The following RNF214 variants were observed in gnomAD, a reference collection of about 807,000 sequenced individuals.
The protein encoded by RNF214 is ring finger protein 214.
A neutral mutation model predicts 75.9 loss-of-function variants in RNF214; 25 were observed. The observed-to-expected ratio is 0.33, with a 90% CI of 0.24 to 0.46. The LOEUF (loss-of-function observed/expected upper bound fraction) is 0.46. Among genes scored for constraint, RNF214 ranks in the 20% least tolerant of loss-of-function variants. The pLI, the probability that RNF214 is intolerant of heterozygous loss-of-function variation, is 1.00. For missense variants in RNF214, 725 were observed against 857.5 expected, an observed-to-expected ratio of 0.85 and a Z score of 1.93; for synonymous variants, 314 against 308.8, an observed-to-expected ratio of 1.02 and a Z score of -0.18.
intron 6 of RNF214, among the ~76,000 whole-genome samples, chr11:117,279,239 C>A (rs2034077043): frequency 1.3e-5 from 2 of 151,606 alleles, no homozygotes; most frequent in South Asian, 4.2e-4. Context: ...GAAGAATGTT[C>A]TGCCTTCAAT....
intron 8 of RNF214, among the ~76,000 whole-genome samples, chr11:117,281,003 T>TTTTA (rs397781094): frequency 3.3e-5 from 5 of 149,604 alleles, no homozygotes; most frequent in Non-Finnish European, 7.4e-5. Flanking sequence ...TTTTTTTTTT[T>TTTTA]AATGACAGGG....
At position 117,280,265 on chromosome 11, in the gene RNF214, T is replaced by A; in HGVS notation, c.1145+6T>A. The stretch of plus-strand genomic sequence containing the variant: ...TTGCACCTTACTTACCTCAAGTAAG[T>A]ACCTTTCCGTTCTAGAGCTTTAATT... On this transcript the variant is annotated splice_donor_region_variant and intron_variant, in intron 8 of 14. Coordinates refer to ENST00000300650, the MANE Select transcript of RNF214 (RefSeq NM_207343.4). 6.4e-7 allele frequency: 1 copy of A among 1,570,178 alleles called. No homozygotes were observed. Among genetic ancestry groups the A allele is most frequent in the Non-Finnish European group, 8.8e-7 (1 of 1,141,008 alleles).
At chr11:117,261,721 C>T (rs1294228559) in intron 6 of RNF214, among the ~76,000 whole-genome samples, 4 of 152,156 alleles carry the variant, frequency 2.6e-5, no homozygotes, top group African/African-American at 9.7e-5. Context: ...TCTCGGCTCA[C>T]TGCAGCCTCC....
At chr11:117,281,478 C>CT (rs57876538) in intron 9 of RNF214, 74 bp downstream of exon 9, 146,006 of 1,402,288 alleles carry the variant, frequency 0.1, 9,031 homozygotes, top group Middle Eastern at 0.2. Flanking sequence ...GGGAGGTAGC[C>CT]TTTTGCATTG....
intron 6 of RNF214, among the ~76,000 whole-genome samples, chr11:117,251,459 C>A (rs1591824612): frequency 7.8e-6 from 1 of 127,588 alleles, no homozygotes. Flanking sequence ...CCGGACGGGG[C>A]GGCTGGCCGG....
chr11:117,283,402 C>T (rs2034169971), intron 14 of RNF214, among the ~76,000 whole-genome samples, 192 bp downstream of exon 14: 1 of 151,860 alleles, frequency 6.6e-6, no homozygotes, highest in Non-Finnish European at 1.5e-5. Context: ...GCTCTGTTGC[C>T]CAGGCTGGAG....
intron 2 of RNF214, 43 bp from the exon 3 acceptor site, chr11:117,238,558 G>A (rs747987632): frequency 2.2e-5 from 34 of 1,514,696 alleles, no homozygotes; most frequent in Admixed American, 1.2e-4. Flanking sequence ...TAGTTAGGTT[G>A]AAAGTATTAT....
intron 4 of RNF214, among the ~76,000 whole-genome samples, chr11:117,241,387 C>T (rs2033076130): frequency 6.6e-6 from 1 of 151,768 alleles, no homozygotes; most frequent in Non-Finnish European, 1.5e-5. Context: ...TGAGCCCATC[C>T]TGGCCAATAT....
intron 4 of RNF214, among the ~76,000 whole-genome samples, chr11:117,240,791 T>C (rs905395897): frequency 6.6e-6 from 1 of 151,922 alleles, no homozygotes; most frequent in African/African-American, 2.4e-5. Flanking sequence ...CCTGTAATCC[T>C]AGCACTTTCA....
At chr11:117,271,302 C>G (rs1218083463) in intron 6 of RNF214, among the ~76,000 whole-genome samples, 2 of 152,232 alleles carry the variant, frequency 1.3e-5, no homozygotes, top group Non-Finnish European at 2.9e-5. Flanking sequence ...CCTCAAAATT[C>G]TAGCCACCTT....
intron 4 of RNF214, among the ~76,000 whole-genome samples, chr11:117,241,759 T>C (rs2033086089): frequency 6.6e-6 from 1 of 152,180 alleles, no homozygotes; most frequent in Admixed American, 6.5e-5. Context: ...GTTTTTAGTA[T>C]TCTTTTTGAT....
At chr11:117,257,906 G>A (rs553771531) in intron 6 of RNF214, among the ~76,000 whole-genome samples, 11 of 152,120 alleles carry the variant, frequency 7.2e-5, no homozygotes, top group East Asian at 1.9e-4. Flanking sequence ...TTAAATTACT[G>A]GATTTACTTC....
At chr11:117,273,315 C>T (rs2033948544) in intron 6 of RNF214, among the ~76,000 whole-genome samples, 1 of 151,960 alleles carries the variant, frequency 6.6e-6, no homozygotes, top group African/African-American at 2.4e-5. Flanking sequence ...ATTGTGGGAT[C>T]TGAAACCACA....
chr11:117,285,031 T>C, intron 14 of RNF214, 55 bp from the exon 15 acceptor site: 1 of 1,310,860 alleles, frequency 7.6e-7, no homozygotes, highest in Non-Finnish European at 1.1e-6. Flanking sequence ...CATTCTCTCC[T>C]TCCTTCCCTT....
chr11:117,256,668 G>A (rs1386465021), intron 6 of RNF214, among the ~76,000 whole-genome samples: 1 of 152,180 alleles, frequency 6.6e-6, no homozygotes, highest in Non-Finnish European at 1.5e-5. Flanking sequence ...CAAAGCAGAA[G>A]CTGCCAGGCT....
chr11:117,260,565 T>A (rs2033633678), intron 6 of RNF214, among the ~76,000 whole-genome samples: 1 of 150,268 alleles, frequency 6.7e-6, no homozygotes, highest in African/African-American at 2.4e-5. Flanking sequence ...CCCAGCACTT[T>A]GGGAGGTCAA....
chr11:117,284,980 G>T (rs45507395), intron 14 of RNF214, 106 bp from the exon 15 acceptor site: 54,898 of 786,992 alleles, frequency 0.07, 2,336 homozygotes, highest in African/African-American at 0.14. Context: ...GTACCTCAGT[G>T]TAAGAACTTT....
intron 6 of RNF214, among the ~76,000 whole-genome samples, chr11:117,254,455 G>A (rs984028858): frequency 6.6e-6 from 1 of 151,998 alleles, no homozygotes; most frequent in Non-Finnish European, 1.5e-5. Flanking sequence ...CTTTGAGTCT[G>A]TCAACTCCCT....
chr11:117,253,613 G>A (rs1333081816), intron 6 of RNF214, among the ~76,000 whole-genome samples: 6 of 152,050 alleles, frequency 3.9e-5, no homozygotes, highest in Non-Finnish European at 5.9e-5. Context: ...AGGCCAAGGC[G>A]GGAGGATTGC....
Sources: allele counts gnomAD v4.1 joint callset (sites outside exome capture counted in the v4.1 genomes callset), GRCh38; gene constraint gnomAD v4.1.1; transcripts MANE v1.5; gene names NCBI Gene and HGNC (gene_info 2026-07-23, HGNC 2026-07-21).